Variants in OR2L13 observed in about 807,000 individuals in gnomAD.
The protein encoded by OR2L13 is olfactory receptor family 2 subfamily L member 13.
A neutral mutation model predicts 15.3 loss-of-function variants in OR2L13; 14 were observed. The observed-to-expected ratio is 0.91, with a 90% confidence interval of 0.60 to 1.43. OR2L13 has a LOEUF of 1.43. OR2L13 is among the 40% of genes most tolerant of loss of function. The pLI is 0.00. For missense variants in OR2L13, 367 were observed against 387.9 expected (o/e 0.95, Z 0.45); for synonymous variants, 152 against 142.9 (o/e 1.06, Z -0.45).
the OR2L13 span, among the ~76,000 whole-genome samples, chr1:248,066,486 T>G: frequency 1.1e-3 from 166 of 152,288 alleles, no homozygotes; most frequent in African/African-American, 3.5e-3. Flanking sequence ...AGATGAAATA[T>G]CTTATCAATC....
the OR2L13 span, chr1:248,023,973 CTATT>C: frequency 2.6e-5 from 4 of 152,232 alleles, no homozygotes; most frequent in South Asian, 2.1e-4. Flanking sequence ...TGCATAAAAA[CTATT>C]TATCTGAAGA....
At chr1:248,066,361 A>T in the OR2L13 span, among the ~76,000 whole-genome samples, 1 of 152,206 alleles carries the variant, frequency 6.6e-6, no homozygotes. Context: ...GTGATCCCTC[A>T]TGTTTCTGTA....
chr1:248,074,017 T>C, the OR2L13 span, among the ~76,000 whole-genome samples: 1 of 152,074 alleles, frequency 6.6e-6, no homozygotes, highest in Non-Finnish European at 1.5e-5. Flanking sequence ...ATCTCTGTTC[T>C]GTGAAATATA....
chr1:247,949,636 G>A, the OR2L13 span: 14 of 1,613,838 alleles, frequency 8.7e-6, no homozygotes, highest in Middle Eastern at 1.7e-4. Context: ...ACTTATCTAC[G>A]TCCAAGATCC....
upstream of OR2L13, among the ~76,000 whole-genome samples, chr1:248,093,638 C>T (rs149790399): frequency 5.3e-5 from 8 of 152,302 alleles, no homozygotes; most frequent in African/African-American, 1.9e-4. Context: ...TGAGTCTCAT[C>T]TCATCATCTC....
chr1:248,000,643 T>G, the OR2L13 span, among the ~76,000 whole-genome samples: 705 of 151,468 alleles, frequency 4.7e-3, 6 homozygotes, highest in African/African-American at 0.016. Context: ...ACACAGGAGA[T>G]TATATGGCTG....
the OR2L13 span, among the ~76,000 whole-genome samples, chr1:248,016,732 T>A: frequency 2.0e-5 from 3 of 152,024 alleles, no homozygotes; most frequent in South Asian, 4.1e-4. Context: ...ATATGTAACA[T>A]ATATATTTAT....
the OR2L13 span, among the ~76,000 whole-genome samples, chr1:247,967,105 G>T: frequency 6.8e-6 from 1 of 147,976 alleles, no homozygotes; most frequent in Non-Finnish European, 1.5e-5. Flanking sequence ...CTTCTGACAA[G>T]TTCCTTTAAG....
At chr1:247,956,919 A>C in the OR2L13 span, among the ~76,000 whole-genome samples, 5 of 152,080 alleles carry the variant, frequency 3.3e-5, no homozygotes, top group South Asian at 8.3e-4. Flanking sequence ...CTCTTTTCCC[A>C]GTTGAATCCC....
the OR2L13 span, among the ~76,000 whole-genome samples, chr1:248,090,009 C>CT: frequency 1.3e-5 from 2 of 152,160 alleles, no homozygotes; most frequent in African/African-American, 4.8e-5. Context: ...TGATTTATGA[C>CT]TTTTCCTGTA....
At chr1:248,005,447 C>T in the OR2L13 span, among the ~76,000 whole-genome samples, 1 of 151,830 alleles carries the variant, frequency 6.6e-6, no homozygotes, top group Non-Finnish European at 1.5e-5. Flanking sequence ...TTGGTTATTC[C>T]ATGTTTGTAG....
the OR2L13 span, among the ~76,000 whole-genome samples, chr1:248,017,566 T>G: frequency 6.6e-6 from 1 of 152,232 alleles, no homozygotes; most frequent in Non-Finnish European, 1.5e-5. Context: ...AGGACAGGCT[T>G]CTGCCTTATT....
the OR2L13 span, among the ~76,000 whole-genome samples, chr1:247,977,332 T>G: frequency 6.6e-6 from 1 of 152,212 alleles, no homozygotes; most frequent in Non-Finnish European, 1.5e-5. Context: ...TAGAGCATGA[T>G]TTGTGGGAAA....
the OR2L13 span, among the ~76,000 whole-genome samples, chr1:248,059,775 A>C: frequency 6.6e-6 from 1 of 152,170 alleles, no homozygotes; most frequent in Non-Finnish European, 1.5e-5. Context: ...TTGGGTGGGG[A>C]AGCTCATGAC....
the OR2L13 span, among the ~76,000 whole-genome samples, chr1:248,027,941 C>A: frequency 6.6e-6 from 1 of 151,716 alleles, no homozygotes; most frequent in Non-Finnish European, 1.5e-5. Flanking sequence ...GAGATCAAGA[C>A]CATCCTGGCT....
the OR2L13 span, among the ~76,000 whole-genome samples, chr1:247,996,725 A>G: frequency 1.2e-4 from 19 of 152,278 alleles, no homozygotes; most frequent in African/African-American, 4.3e-4. Flanking sequence ...ACATCAAATA[A>G]GGATTCTTAC....
exon 3 of OR2L13, chr1:248,099,774 C>G: frequency 6.2e-7 from 1 of 1,614,156 alleles, no homozygotes; most frequent in Non-Finnish European, 8.5e-7. Context: ...ATTATCCTAT[C>G]CGCATGAGTA....
chr1:247,985,138 C>G, the OR2L13 span, among the ~76,000 whole-genome samples: 1 of 151,952 alleles, frequency 6.6e-6, no homozygotes, highest in Non-Finnish European at 1.5e-5. Context: ...TTCTAGGGTA[C>G]ATGTGCACAA....
At chr1:247,967,390 G>A in the OR2L13 span, among the ~76,000 whole-genome samples, 1 of 151,762 alleles carries the variant, frequency 6.6e-6, no homozygotes, top group African/African-American at 2.4e-5. Context: ...CACCACACCC[G>A]GCTAATTTTT....
Sources: allele counts gnomAD v4.1 joint callset (sites outside exome capture counted in the v4.1 genomes callset), GRCh38; gene constraint gnomAD v4.1.1; transcripts MANE v1.5; gene names NCBI Gene and HGNC (gene_info 2026-07-23, HGNC 2026-07-21).